Variants in AGBL1 observed in about 807,000 individuals in gnomAD.
The protein encoded by AGBL1 is cytosolic carboxypeptidase 4.
AGBL1 carries 130 observed loss-of-function variants against 118.9 expected under a neutral mutation model. The ratio of observed to expected loss-of-function variants is 1.09; its 90% confidence interval spans 0.95 to 1.26. AGBL1 has a LOEUF of 1.26. Ranked by LOEUF, AGBL1 falls within the 50% of genes most tolerant of loss-of-function variation. AGBL1 has a pLI of 0.00. For synonymous variants in AGBL1, 555 were observed against 478.9 expected, an observed-to-expected ratio of 1.16 and a Z score of -2.08; for missense variants, 1,584 against 1,298.1, an observed-to-expected ratio of 1.22 and a Z score of -3.38.
intron 22 of AGBL1, among the ~76,000 whole-genome samples, chr15:86,686,442 G>GT (rs368842116): frequency 0.086 from 10,956 of 127,044 alleles, 636 homozygotes; most frequent in East Asian, 0.11. Flanking sequence ...CATATTCTAA[G>GT]TTTTTTTTTT....
chr15:86,993,326 A>G lies in AGBL1; in HGVS notation c.3323+5238A>G, dbSNP rs533727257. On this transcript the variant is annotated intron_variant, in intron 24 of 24. Coordinates refer to the AGBL1 transcript ENST00000441037. ...TCTTTGCCCTTTATTCAAAACTTCT[A>G]TTGAATACCAACTATATATTGGACA... Among the ~76,000 whole-genome samples, 5 of 152,300 alleles carry G rather than the reference A, an allele frequency of 3.3e-5. No individual in the cohort carries two copies. In the East Asian group the frequency reaches 5.8e-4, roughly 18 times the overall value.
intron 21 of AGBL1, among the ~76,000 whole-genome samples, chr15:86,585,213 A>G (rs2084228189): frequency 6.6e-6 from 1 of 152,036 alleles, no homozygotes; most frequent in African/African-American, 2.4e-5. Flanking sequence ...GTACTTCCTC[A>G]GAACTGGAAG....
At chr15:86,945,067 G>A (rs1346292150) in intron 23 of AGBL1, among the ~76,000 whole-genome samples, 2 of 151,872 alleles carry the variant, frequency 1.3e-5, no homozygotes, top group Admixed American at 1.3e-4. Context: ...GTAAAATGAT[G>A]ACATAGTAAG....
intron 18 of AGBL1, among the ~76,000 whole-genome samples, chr15:86,412,634 C>T (rs2081638650): frequency 6.6e-6 from 1 of 152,144 alleles, no homozygotes; most frequent in African/African-American, 2.4e-5. Flanking sequence ...ACTTCAAGTG[C>T]ATTTATTAAT....
At chr15:86,113,364 T>C (rs1342989105) in intron 1 of AGBL1, among the ~76,000 whole-genome samples, 2 of 148,912 alleles carry the variant, frequency 1.3e-5, no homozygotes, top group Admixed American at 6.7e-5. Flanking sequence ...CTTGGCTCAC[T>C]GCAACCTCTG....
chr15:86,359,855 T>C (rs542637010), intron 17 of AGBL1, among the ~76,000 whole-genome samples: 1 of 151,746 alleles, frequency 6.6e-6, no homozygotes, highest in South Asian at 2.1e-4. Context: ...TCTTTTCAGA[T>C]ACTTTGTTTT....
At chr15:86,348,522 G>T (rs1244811043) in intron 17 of AGBL1, among the ~76,000 whole-genome samples, 1 of 152,224 alleles carries the variant, frequency 6.6e-6, no homozygotes, top group African/African-American at 2.4e-5. Context: ...GCTTACGCCT[G>T]TAATTCCAGC....
Position 86,264,756 on chromosome 15 carries a change from A to G in AGBL1, c.1585A>G (p.Met529Val), listed in dbSNP as rs1446934920. ...RRTSSVVDFK[M>V]MAFPDVWGHC... ...AACCAGCTCTGTGGTGGACTTCAAG[A>G]TGATGGCATTTCCTGATGTCTGGGG... Residue 529 changes from methionine (M) to valine (V), a missense_variant, in exon 11 of 23, where the codon ATG (methionine) becomes GTG (valine). Coordinates refer to ENST00000614907, the MANE Select transcript of AGBL1 (RefSeq NM_001386094.1). 1.2e-6 allele frequency: 2 copies of G among 1,613,924 alleles called. No homozygotes were observed.
rs1381547775 is a variant in AGBL1, at chr15:86,397,437, G to A, written c.2446G>A (p.Gly816Ser). 1 of 1,613,114 alleles carries A rather than the reference G, an allele frequency of 6.2e-7. No homozygotes were observed. Among genetic ancestry groups the A allele is most frequent in the Non-Finnish European group, 8.5e-7 (1 of 1,179,376 alleles). ...GAGCAATGCCAGTTGGGTGATGAAGGGTACCTTGGAGTTCCTGGTCAGCAG... is the reference window on the plus strand; with the variant it reads ...GAGCAATGCCAGTTGGGTGATGAAGAGTACCTTGGAGTTCCTGGTCAGCAG... ...GESNASWVMK[G>S]TLEFLVSSDP... The change falls in exon 18 of 23, where the codon GGT becomes AGT. Residue 816 changes from glycine to serine, a missense_variant. Transcript: ENST00000614907.
intron 5 of AGBL1, among the ~76,000 whole-genome samples, chr15:86,200,427 A>T (rs1226195879): frequency 6.6e-6 from 1 of 152,098 alleles, no homozygotes; most frequent in Non-Finnish European, 1.5e-5. Context: ...ACAGTGACTT[A>T]CAAATTATCA....
At chr15:86,612,325 T>A (rs12595578) in intron 21 of AGBL1, among the ~76,000 whole-genome samples, 1 of 151,190 alleles carries the variant, frequency 6.6e-6, no homozygotes, top group Admixed American at 6.6e-5. Flanking sequence ...TAAAGGCATA[T>A]TAACAAAAAA....
chr15:86,859,215 A>G (rs561058454), intron 22 of AGBL1, among the ~76,000 whole-genome samples: 1 of 152,350 alleles, frequency 6.6e-6, no homozygotes, highest in East Asian at 1.9e-4. Context: ...GGATGTTTCC[A>G]GCACAACTGA....
intron 17 of AGBL1, among the ~76,000 whole-genome samples, chr15:86,364,976 T>TATATATATACACACACAC (rs1567219418): frequency 1.2e-4 from 10 of 83,258 alleles, no homozygotes; most frequent in African/African-American, 4.0e-4. Flanking sequence ...TATATATATA[T>TATATATATACACACACAC]ATATATATAT....
At position 86,913,748 on chromosome 15, in the gene AGBL1, G is replaced by A. The variant is rs1469154580; in HGVS notation, c.*6454G>A. 6.6e-6 allele frequency: 1 copy of A among 152,210 alleles called. No individual in the cohort carries two copies. The highest frequency in any genetic ancestry group is 1.5e-5 in the Non-Finnish European group (1 of 68,114). 9.4% of individuals were successfully genotyped at this position (152,210 alleles called of 1,614,324 possible). Reference sequence around the variant, plus strand: ...CCAGGCGTGATGGTGCATGCCTGTAGTCCCAGCTACTAGGGAGGCTGAGGC... The same window carrying A: ...CCAGGCGTGATGGTGCATGCCTGTAATCCCAGCTACTAGGGAGGCTGAGGC... On this transcript the variant is annotated 3_prime_UTR_variant, in exon 23 of 23. Transcript: ENST00000614907.
chr15:86,904,264 C>T (rs1041109670), intron 22 of AGBL1, among the ~76,000 whole-genome samples: 4 of 152,148 alleles, frequency 2.6e-5, no homozygotes, highest in Non-Finnish European at 2.9e-5. Flanking sequence ...TTGCCAACTC[C>T]ACCTGCTAGT....
intron 21 of AGBL1, among the ~76,000 whole-genome samples, chr15:86,633,898 T>C (rs1223722966): frequency 1.1e-4 from 4 of 37,576 alleles, no homozygotes; most frequent in African/African-American, 2.4e-4. Context: ...ATATATAATG[T>C]ATATATATAT....
At chr15:86,493,755 C>T (rs2082812643) in intron 18 of AGBL1, among the ~76,000 whole-genome samples, 1 of 152,062 alleles carries the variant, frequency 6.6e-6, no homozygotes. Flanking sequence ...AGACACATCT[C>T]TAAACATCAT....
intron 23 of AGBL1, among the ~76,000 whole-genome samples, chr15:86,960,596 C>T (rs186788361): frequency 1.3e-5 from 2 of 151,942 alleles, no homozygotes; most frequent in East Asian, 3.9e-4. Context: ...ACAAAATCAT[C>T]CAGAAATCCT....
chr15:86,771,640 C>G (rs889653371), intron 22 of AGBL1, among the ~76,000 whole-genome samples: 2 of 151,788 alleles, frequency 1.3e-5, no homozygotes, highest in African/African-American at 4.8e-5. Flanking sequence ...GTAACATGTT[C>G]GGTAAATAGA....
Sources: gnomAD v4.1 joint callset for allele counts (sites outside exome capture counted in the v4.1 genomes callset) on GRCh38, gnomAD v4.1.1 for gene constraint, MANE v1.5 for transcripts, NCBI Gene and HGNC (gene_info 2026-07-23, HGNC 2026-07-21) for gene names.